Variants in TCF7L1 observed in about 807,000 individuals in gnomAD.
TCF7L1 encodes transcription factor 7-like 1.
TCF7L1 carries 18 observed loss-of-function variants against 63.7 expected under a neutral mutation model. That is an observed-to-expected ratio of 0.28 (90% CI 0.20 to 0.42). The LOEUF (loss-of-function observed/expected upper bound fraction) is 0.42, where lower values mean the gene tolerates loss of function less well. TCF7L1 is among the 10% of genes least tolerant of loss of function. The probability of loss-of-function intolerance (pLI) is 1.00; values close to 1 mark genes in which losing one functional copy is unlikely to be tolerated. For synonymous variants in TCF7L1, 355 were observed against 340.9 expected (o/e 1.04, Z -0.46); for missense variants, 654 against 779.3 (o/e 0.84, Z 1.91).
intron 3 of TCF7L1, among the ~76,000 whole-genome samples, chr2:85,154,451 G>A (rs542063118): frequency 1.2e-4 from 18 of 152,152 alleles, no homozygotes; most frequent in Non-Finnish European, 2.2e-4. Flanking sequence ...ACATGCCAGT[G>A]AATCTCACAG....
chr2:85,150,323 T>C (rs1677979101), intron 3 of TCF7L1, among the ~76,000 whole-genome samples: 1 of 151,058 alleles, frequency 6.6e-6, no homozygotes, highest in South Asian at 2.1e-4. Context: ...AACCTCCACC[T>C]CCCGGGTTCA....
At chr2:85,285,611 C>G (rs80269582) in intron 4 of TCF7L1, among the ~76,000 whole-genome samples, 410 of 152,364 alleles carry the variant, frequency 2.7e-3, no homozygotes, top group African/African-American at 9.2e-3. Context: ...GGCCCAGAGT[C>G]CCACTTGGGA....
intron 3 of TCF7L1, among the ~76,000 whole-genome samples, chr2:85,254,089 C>A (rs1265564767): frequency 6.6e-6 from 1 of 152,242 alleles, no homozygotes; most frequent in African/African-American, 2.4e-5. Context: ...GGAAGCCCAG[C>A]TGGGCACGGG....
intron 3 of TCF7L1, among the ~76,000 whole-genome samples, chr2:85,170,612 C>G (rs548853735): frequency 6.6e-6 from 1 of 152,158 alleles, no homozygotes; most frequent in Non-Finnish European, 1.5e-5. Flanking sequence ...TCTGATTCTT[C>G]TTCCTCTCTC....
chr2:85,265,875 G>A (rs890447165), intron 3 of TCF7L1, among the ~76,000 whole-genome samples: 3 of 151,530 alleles, frequency 2.0e-5, no homozygotes, highest in African/African-American at 7.3e-5. Flanking sequence ...TTAGCCAAAA[G>A]AATAAAATAA....
chr2:85,227,284 A>G (rs1679980171), intron 3 of TCF7L1, among the ~76,000 whole-genome samples: 1 of 152,094 alleles, frequency 6.6e-6, no homozygotes, highest in South Asian at 2.1e-4. Flanking sequence ...TCTGAACTCA[A>G]CTAAAGGAGC....
intron 3 of TCF7L1, among the ~76,000 whole-genome samples, chr2:85,277,670 T>C (rs1394159860): frequency 6.6e-6 from 1 of 152,230 alleles, no homozygotes; most frequent in Non-Finnish European, 1.5e-5. Flanking sequence ...CTACTGGGCC[T>C]TTCCTCTAGA....
intron 3 of TCF7L1, chr2:85,186,816 T>C (rs1362943405): frequency 6.6e-6 from 1 of 152,130 alleles, no homozygotes; most frequent in Non-Finnish European, 1.5e-5. Context: ...ATAAAGACAT[T>C]TTTCATACTT....
chr2:85,170,074 TG>T (rs1261008813), intron 3 of TCF7L1, among the ~76,000 whole-genome samples: 3 of 152,186 alleles, frequency 2.0e-5, no homozygotes, highest in Non-Finnish European at 4.4e-5. Flanking sequence ...CCTTGAAAGA[TG>T]AATATTTCAG....
chr2:85,304,051 CCT>C (rs1296825944), intron 6 of TCF7L1, 54 bp downstream of exon 6: 1 of 1,422,926 alleles, frequency 7.0e-7, no homozygotes, highest in African/African-American at 1.4e-5. Context: ...CTGAGCTCTG[CCT>C]CTGTGCCCTG....
intron 3 of TCF7L1, among the ~76,000 whole-genome samples, chr2:85,200,280 A>T (rs961241471): frequency 6.6e-6 from 1 of 152,196 alleles, no homozygotes; most frequent in Non-Finnish European, 1.5e-5. Flanking sequence ...CCTTTGAACT[A>T]TGCAGGGGTT....
chr2:85,229,551 G>A (rs570007721), intron 3 of TCF7L1, among the ~76,000 whole-genome samples: 4 of 152,200 alleles, frequency 2.6e-5, no homozygotes, highest in Admixed American at 6.5e-5. Context: ...TACAGAGAAG[G>A]GGGGAGCACA....
chr2:85,186,643 G>A (rs1326577446), intron 3 of TCF7L1: 1 of 152,178 alleles, frequency 6.6e-6, no homozygotes, highest in Non-Finnish European at 1.5e-5. Flanking sequence ...GATTCGTTGG[G>A]AGTTGGTGAT....
rs979031656 is a variant in TCF7L1 at position 85,278,796 on chromosome 2, A to T, written c.442-4699A>T. The stretch of plus-strand genomic sequence containing the variant: ...TGTATCTGTCCTGTCTTAGATAGTC[A>T]CAACATATGTAAATCGAAGACAGTA... On this transcript the variant is annotated intron_variant, in intron 3 of 11. Coordinates refer to ENST00000282111, the MANE Select transcript of TCF7L1 (RefSeq NM_031283.3). Among the ~76,000 whole-genome samples the T allele has an allele frequency of 2.6e-5, 4 of 152,370 alleles. No individual in the cohort carries two copies. In the East Asian group the frequency reaches 7.7e-4, roughly 29 times the overall value.
intron 3 of TCF7L1, among the ~76,000 whole-genome samples, chr2:85,182,654 T>G (rs1678831208): frequency 6.6e-6 from 1 of 152,212 alleles, no homozygotes; most frequent in Non-Finnish European, 1.5e-5. Flanking sequence ...TGATGATTAC[T>G]GCTTCAGCAG....
At chr2:85,305,456 G>A in intron 8 of TCF7L1, 53 bp downstream of exon 8, 2 of 1,559,236 alleles carry the variant, frequency 1.3e-6, no homozygotes, top group South Asian at 1.2e-5. Flanking sequence ...TGTGGGGAGG[G>A]GTGGCCACAC....
At chr2:85,231,851 C>T (rs879680150) in intron 3 of TCF7L1, among the ~76,000 whole-genome samples, 1 of 151,484 alleles carries the variant, frequency 6.6e-6, no homozygotes, top group African/African-American at 2.4e-5. Context: ...AGGGTGCAGA[C>T]CCTTTGGTCA....
chr2:85,304,652 T>C lies in TCF7L1; in HGVS notation c.845+314T>C, dbSNP rs561353301. Among the ~76,000 whole-genome samples, 8 of 152,318 alleles carry C rather than the reference T, an allele frequency of 5.3e-5. No individual in the cohort carries two copies. The South Asian group carries it at 1.7e-3, about 32-fold the overall frequency. On this transcript the variant is annotated intron_variant, in intron 7 of 11. Coordinates refer to ENST00000282111, the MANE Select transcript of TCF7L1 (RefSeq NM_031283.3). ...GACTTAGGATGGAGCCGCGTCCTGATAAACCCGTCGTACATTGAAAACACA... is the reference window on the plus strand; with the variant it reads ...GACTTAGGATGGAGCCGCGTCCTGACAAACCCGTCGTACATTGAAAACACA...
At chr2:85,200,470 A>T (rs1008355358) in intron 3 of TCF7L1, among the ~76,000 whole-genome samples, 1 of 152,220 alleles carries the variant, frequency 6.6e-6, no homozygotes, top group Non-Finnish European at 1.5e-5. Flanking sequence ...AACCATAAGG[A>T]AGAGAAAATA....
Sources: gnomAD v4.1 joint callset for allele counts (sites outside exome capture counted in the v4.1 genomes callset) on GRCh38, gnomAD v4.1.1 for gene constraint, MANE v1.5 for transcripts, NCBI Gene and HGNC (gene_info 2026-07-23, HGNC 2026-07-21) for gene names.